Variants in STX3 observed in about 807,000 individuals in gnomAD.
STX3 encodes the protein syntaxin-3.
Under a neutral mutation model 40.2 loss-of-function variants are expected in STX3, and 19 were observed. The ratio of observed to expected loss-of-function variants is 0.47; its 90% confidence interval spans 0.33 to 0.69. The LOEUF is 0.69. Ranked by LOEUF, STX3 falls within the 30% of genes least tolerant of loss-of-function variation. STX3 has a pLI of 0.02. For synonymous variants in STX3, 122 were observed against 132.2 expected (o/e 0.92, Z 0.53); for missense variants, 364 against 366.7 (o/e 0.99, Z 0.06).
intron 1 of STX3, among the ~76,000 whole-genome samples, chr11:59,758,671 C>T (rs1862866091): frequency 6.6e-6 from 1 of 152,214 alleles, no homozygotes; most frequent in African/African-American, 2.4e-5. Flanking sequence ...CCTGCTTTTT[C>T]AGTGACACAG....
At chr11:59,792,296 A>G (rs1865231356) in intron 6 of STX3, 81 bp downstream of exon 6, 1 of 1,190,766 alleles carries the variant, frequency 8.4e-7, no homozygotes, top group Non-Finnish European at 1.2e-6. Context: ...GCCCTGGTGG[A>G]GCAAGCAGGA....
At position 59,803,090 on chromosome 11, in the gene STX3, T is replaced by A; in HGVS notation, c.*2266T>A. The A allele has an allele frequency of 1.6e-6, 2 of 1,228,102 alleles. No homozygotes were observed. The highest frequency in any genetic ancestry group is 2.0e-6 in the Non-Finnish European group (2 of 986,056). 76.1% of individuals were successfully genotyped at this position (1,228,102 alleles called of 1,614,324 possible). On this transcript the variant is annotated 3_prime_UTR_variant, in exon 11 of 11. Coordinates refer to ENST00000337979, the MANE Select transcript of STX3 (RefSeq NM_004177.5). ...CTGGGTCCTAGAAGCCAGATCCATC[T>A]CCTTTTTCCTTCTGTTGCTCTCTTC...
chr11:59,799,388 C>T (rs1489825356), intron 10 of STX3, among the ~76,000 whole-genome samples: 2 of 152,276 alleles, frequency 1.3e-5, no homozygotes, highest in East Asian at 3.9e-4. Context: ...AAATTATAAG[C>T]ATCATTCCAC....
chr11:59,792,302 C>T, intron 6 of STX3, 87 bp downstream of exon 6: 2 of 1,103,046 alleles, frequency 1.8e-6, no homozygotes, highest in East Asian at 2.5e-5. Context: ...GTGGAGCAAG[C>T]AGGAAGCACA....
chr11:59,785,921 G>C (rs1448014485), intron 2 of STX3, among the ~76,000 whole-genome samples: 1 of 152,178 alleles, frequency 6.6e-6, no homozygotes, highest in Non-Finnish European at 1.5e-5. Context: ...GCAGGGCTGT[G>C]GTACCAGTGG....
intron 1 of STX3, among the ~76,000 whole-genome samples, chr11:59,767,562 T>C (rs1863342367): frequency 6.6e-6 from 1 of 152,186 alleles, no homozygotes. Flanking sequence ...TGGTTGAGCT[T>C]GCTCTGTAGG....
At chr11:59,791,643 G>A (rs992049308) in intron 5 of STX3, among the ~76,000 whole-genome samples, 4 of 152,154 alleles carry the variant, frequency 2.6e-5, no homozygotes, top group Non-Finnish European at 5.9e-5. Context: ...TATTAGGAAG[G>A]TTTTAGCTTA....
At chr11:59,788,969 C>T (rs778511609) in intron 4 of STX3, 22 bp downstream of exon 4, 4 of 1,593,256 alleles carry the variant, frequency 2.5e-6, no homozygotes, top group South Asian at 2.3e-5. Flanking sequence ...ACAAAGAAAA[C>T]AAGGCCGTCC....
In STX3 at chr11:59,768,835, G is replaced by A. The variant is rs148641200; in HGVS notation, c.31-4376G>A. Among the ~76,000 whole-genome samples, 446 of 152,136 alleles carry A rather than the reference G, an allele frequency of 2.9e-3. 4 individuals carry two copies. Among genetic ancestry groups the A allele is most frequent in the Non-Finnish European group, 5.3e-3 (362 of 68,002 alleles). On this transcript the variant is annotated intron_variant, in intron 1 of 10. Transcript: ENST00000337979. ...GTACAGGGTCTGCTACTCAAGCAAG[G>A]TCCAAAAATACTCTATTATTACTAT... is the stretch of plus-strand genomic sequence containing the variant.
intron 1 of STX3, among the ~76,000 whole-genome samples, chr11:59,757,185 G>A (rs1862765428): frequency 6.6e-6 from 1 of 152,136 alleles, no homozygotes; most frequent in Non-Finnish European, 1.5e-5. Context: ...AGGACACAGA[G>A]CCGGCCAGGG....
Position 59,787,083 on chromosome 11 carries a change from A to G in STX3, c.161A>G (p.Glu54Gly), listed in dbSNP as rs374509506. ...ATTGACAAGATCTCAGAACATGTAG[A>G]GGAGGCTAAGAAACTCTACAGTATC... ...LNIDKISEHV[E>G]EAKKLYSIIL... Residue 54 changes from glutamate to glycine, a missense_variant, in exon 3 of 11, where the codon GAG becomes GGG. Transcript: ENST00000337979. The G allele has an allele frequency of 6.2e-7, 1 of 1,614,200 alleles. No individual in the cohort carries two copies. The highest frequency in any genetic ancestry group is 8.5e-7 in the Non-Finnish European group (1 of 1,180,026).
chr11:59,790,935 C>CA (rs1865110259), intron 5 of STX3, among the ~76,000 whole-genome samples: 1 of 152,144 alleles, frequency 6.6e-6, no homozygotes, highest in Non-Finnish European at 1.5e-5. Context: ...CTTTAGGGGT[C>CA]ATCAAAGATA....
rs188373428 is a variant in STX3 at position 59,801,338 on chromosome 11, C to T, written c.*514C>T. The T allele has an allele frequency of 3.4e-5, 34 of 991,574 alleles. No individual in the cohort carries two copies. In the African/African-American group the frequency reaches 3.8e-4, roughly 11 times the overall value. 61.4% of individuals were successfully genotyped at this position (991,574 alleles called of 1,614,324 possible). A position where few individuals can be genotyped will look rare whatever the true frequency, so the allele number is the denominator to read the frequency against. On this transcript the variant is annotated 3_prime_UTR_variant, in exon 11 of 11. Coordinates refer to ENST00000337979, the MANE Select transcript of STX3 (RefSeq NM_004177.5). The stretch of plus-strand genomic sequence containing the variant: ...CAGGATGCCAATCCTGTTTGTTGTC[C>T]GTATGTCCTGAAAACATGAGGGACT...
intron 10 of STX3, chr11:59,800,450 T>G (rs1475577666): frequency 1.0e-6 from 1 of 985,270 alleles, no homozygotes; most frequent in Non-Finnish European, 1.2e-6. Context: ...TTTCATTGTG[T>G]CCTTCTGTTT....
rs1865234244 is a variant in STX3 at position 59,792,338 on chromosome 11, C to T, written c.466+123C>T. ...TTTTGTGCCTAAGTCTAGGGCAGCT[C>T]CTGCACCACTGGCACATCCCGAATG... On this transcript the variant is annotated intron_variant, in intron 6 of 10. Coordinates refer to ENST00000337979, the MANE Select transcript of STX3 (RefSeq NM_004177.5). The T allele has an allele frequency of 9.7e-6, 7 of 721,784 alleles. No homozygotes were observed. In the Admixed American group the frequency reaches 9.7e-5, roughly 10 times the overall value. The allele number at this position is 721,784 out of a possible 1,614,324, so 44.7% of individuals were successfully genotyped here.
intron 9 of STX3, 127 bp downstream of exon 9, chr11:59,795,609 T>C: frequency 6.5e-7 from 1 of 1,541,418 alleles, no homozygotes. Flanking sequence ...AAGGGATCCA[T>C]GATTGACCGT....
rs1225331320 is a variant in STX3 at position 59,788,955 on chromosome 11, G to T, written c.289+8G>T. The T allele has an allele frequency of 4.0e-5, 64 of 1,605,408 alleles. 2 individuals are homozygous for T. In the Admixed American group the frequency reaches 1.1e-3, roughly 27 times the overall value. Reference sequence around the variant, plus strand: ...TCCGGAACAAACTGAAGAGTAAGAAGGGAACAAAGAAAACAAGGCCGTCCC... The same window carrying T: ...TCCGGAACAAACTGAAGAGTAAGAATGGAACAAAGAAAACAAGGCCGTCCC... On this transcript the variant is annotated splice_region_variant and intron_variant, in intron 4 of 10. Transcript: ENST00000337979.
chr11:59,766,671 A>G (rs1185216594), intron 1 of STX3, among the ~76,000 whole-genome samples: 3 of 152,242 alleles, frequency 2.0e-5, no homozygotes, highest in Admixed American at 2.0e-4. Context: ...CCACTTTCTC[A>G]GCCCAGGATG....
rs112512362 is a variant in STX3 at position 59,778,831 on chromosome 11, C to CTT, written c.114+5555_114+5556dup. On this transcript the variant is annotated intron_variant, in intron 2 of 10. Transcript: ENST00000337979. ...AGGATGAAAGTTTTCTTTTCTTTTC[C>CTT]TTTTTTTTTTTTTTTTTTTGGGGAT... Among the ~76,000 whole-genome samples the CTT allele has an allele frequency of 1.0e-2, 1,251 of 125,712 alleles. 8 individuals are homozygous for CTT. The highest frequency in any genetic ancestry group is 0.015 in the Non-Finnish European group (884 of 59,876). The allele number at this position is 125,712 out of a possible 152,430, so 82.5% of individuals were successfully genotyped here. A position where few individuals can be genotyped will look rare whatever the true frequency, so the allele number is the denominator to read the frequency against.
Sources: allele counts gnomAD v4.1 joint callset (sites outside exome capture counted in the v4.1 genomes callset), GRCh38; gene constraint gnomAD v4.1.1; transcripts MANE v1.5; gene names NCBI Gene and HGNC (gene_info 2026-07-23, HGNC 2026-07-21).